PLA1A: variants seen among roughly 807,000 people sequenced by gnomAD.
The protein encoded by PLA1A is phosphatidylserine-specific phospholipase A1alpha.
A neutral mutation model predicts 49.4 loss-of-function variants in PLA1A; 47 were observed. The observed-to-expected ratio is 0.95, with a 90% CI of 0.75 to 1.21. The LOEUF (loss-of-function observed/expected upper bound fraction) is 1.21. Ranked by LOEUF, PLA1A falls within the 50% of genes most tolerant of loss-of-function variation. The pLI, the probability that PLA1A is intolerant of heterozygous loss-of-function variation, is 0.00. For missense variants in PLA1A, 561 were observed against 563.9 expected, an observed-to-expected ratio of 0.99 and a Z score of 0.05; for synonymous variants, 224 against 207.9, an observed-to-expected ratio of 1.08 and a Z score of -0.67.
chr3:119,599,839 T>C (rs2082593985), intron 1 of PLA1A, among the ~76,000 whole-genome samples: 1 of 152,212 alleles, frequency 6.6e-6, no homozygotes, highest in Admixed American at 6.5e-5. Flanking sequence ...TCTCTTCCTT[T>C]CCCACCTTAA....
intron 9 of PLA1A, among the ~76,000 whole-genome samples, chr3:119,628,010 G>A (rs1320572813): frequency 6.8e-6 from 1 of 147,324 alleles, no homozygotes; most frequent in African/African-American, 2.7e-5. Flanking sequence ...GGGAATCTGG[G>A]GGGGCAAAGC....
chr3:119,609,462 T>C lies in PLA1A; in HGVS notation c.454-6T>C. 6.3e-7 allele frequency: 1 copy of C among 1,583,182 alleles called. No homozygotes were observed. ...CACGGGGAACTCACTGTTCCTGCTC[T>C]TCTAGGTGCTGGGTGTGTCGGAATC... On this transcript the variant is annotated splice_polypyrimidine_tract_variant and splice_region_variant and intron_variant, in intron 3 of 10. Coordinates refer to ENST00000273371, the MANE Select transcript of PLA1A (RefSeq NM_015900.4).
At chr3:119,615,220 C>T (rs1303997832) in intron 5 of PLA1A, among the ~76,000 whole-genome samples, 2 of 152,182 alleles carry the variant, frequency 1.3e-5, no homozygotes, top group Non-Finnish European at 2.9e-5. Flanking sequence ...GGGCTCAAGT[C>T]TGCCACAGCA....
At chr3:119,629,125 C>T (rs912429952) in intron 10 of PLA1A, among the ~76,000 whole-genome samples, 90 of 152,150 alleles carry the variant, frequency 5.9e-4, no homozygotes, top group African/African-American at 2.1e-3. Flanking sequence ...ATATTTTCTC[C>T]TCTGTGGCCT....
intron 4 of PLA1A, among the ~76,000 whole-genome samples, chr3:119,612,278 G>C (rs1051379682): frequency 1.3e-5 from 2 of 152,104 alleles, no homozygotes; most frequent in Non-Finnish European, 2.9e-5. Flanking sequence ...TTTTTGTAGG[G>C]GGAAGGGAAG....
chr3:119,613,171 A>G, intron 5 of PLA1A, 53 bp downstream of exon 5: 1 of 1,238,382 alleles, frequency 8.1e-7, no homozygotes, highest in Non-Finnish European at 1.2e-6. Context: ...GGCAGCGCCT[A>G]GGAGGCTGGC....
intron 6 of PLA1A, 126 bp downstream of exon 6, chr3:119,616,227 C>T: frequency 2.9e-6 from 2 of 686,308 alleles, no homozygotes; most frequent in Non-Finnish European, 2.7e-6. Context: ...TGCTATGTCC[C>T]ATAACGCTTT....
intron 1 of PLA1A, among the ~76,000 whole-genome samples, chr3:119,605,794 T>G (rs2082678696): frequency 6.6e-6 from 1 of 152,208 alleles, no homozygotes. Flanking sequence ...TCATGTTGCC[T>G]TTTCTGTTCA....
intron 8 of PLA1A, among the ~76,000 whole-genome samples, chr3:119,621,712 A>G (rs1046208753): frequency 7.9e-5 from 12 of 152,272 alleles, no homozygotes; most frequent in African/African-American, 2.9e-4. Context: ...TGGCTTGCAG[A>G]TGAGGGAACT....
At chr3:119,610,073 G>T (rs1166043369) in intron 4 of PLA1A, among the ~76,000 whole-genome samples, 1 of 152,198 alleles carries the variant, frequency 6.6e-6, no homozygotes, top group African/African-American at 2.4e-5. Flanking sequence ...AAAACATGCG[G>T]TATTTGGTTT....
chr3:119,603,905 A>T (rs2082649886), intron 1 of PLA1A, among the ~76,000 whole-genome samples: 1 of 152,222 alleles, frequency 6.6e-6, no homozygotes. Context: ...CCTAGGACAC[A>T]GCTCTTCACT....
rs778796216 is a variant in PLA1A, at chr3:119,606,891, G to A, written c.191G>A (p.Gly64Glu). 1 of 1,613,542 alleles carries A rather than the reference G, an allele frequency of 6.2e-7. No homozygotes were observed. The highest frequency in any genetic ancestry group is 8.5e-7 in the Non-Finnish European group (1 of 1,179,496). ...LLFVPSNPSC[G>E]QLVEGSSDLQ... ...TTTGTCCCTTCGAATCCTAGCTGTG[G>A]GCAGCTAGTAGAAGGAAGCAGTGAC... Residue 64 changes from glycine (G) to glutamate (E), a missense_variant, in exon 2 of 11, where the codon GGG becomes GAG. Gly to Glu is a moderately conservative substitution (Grantham distance 98). Transcript: ENST00000273371.
Position 119,619,624 on chromosome 3 carries a change from C to A in PLA1A, c.984C>A (p.Leu328=), listed in dbSNP as rs148024430. The change falls in exon 8 of 11, where the codon CTC becomes CTA. Residue 328 remains leucine, a synonymous_variant. Transcript: ENST00000273371. ...TCCCCAAGGAAGTGAAAGTCTACCT[C>A]CTGACTACTTCCAGTGCTCCGTACT... ...EPLPKEVKVY[L]LTTSSAPYCM... 515 of 1,612,774 alleles carry A rather than the reference C, an allele frequency of 3.2e-4. 3 individuals are homozygous for A. In the East Asian group the frequency reaches 0.011, roughly 35 times the overall value.
chr3:119,618,062 C>T lies in PLA1A; in HGVS notation c.798C>T (p.Leu266=). 4 of 1,614,066 alleles carry T rather than the reference C, an allele frequency of 2.5e-6. No homozygotes were observed. The highest frequency in any genetic ancestry group is 3.4e-6 in the Non-Finnish European group (4 of 1,179,896). The change falls in exon 7 of 11, where the codon CTC becomes CTT. Residue 266 remains leucine (L), a synonymous_variant. Coordinates refer to ENST00000273371, the MANE Select transcript of PLA1A (RefSeq NM_015900.4). ...GTGATCACATGAGGGCTGTGCACCT[C>T]TACATCAGCGCCCTGGAGAATTCCT... The part of the protein sequence containing the change: ...LICDHMRAVH[L]YISALENSCP...
At position 119,613,046 on chromosome 3, in the gene PLA1A, AG is replaced by A; in HGVS notation, c.595del (p.Ala199ProfsTer58). ...GGACCCCGCTGGACCTGAGTACACC[AG>A]GGCCAGTGTGGAAGAGCGCTTGGAT... ...GLDPAGPEYT[R>X]ASVEERLDAG... On this transcript the variant is annotated frameshift_variant, in exon 5 of 11. Coordinates refer to ENST00000273371, the MANE Select transcript of PLA1A (RefSeq NM_015900.4). LOFTEE classifies it high-confidence loss of function. 1 of 1,606,320 alleles carries A rather than the reference AG, an allele frequency of 6.2e-7. No individual in the cohort carries two copies. Among genetic ancestry groups the A allele is most frequent in the Non-Finnish European group, 8.5e-7 (1 of 1,176,000 alleles).
At chr3:119,614,880 A>G (rs1269371659) in intron 5 of PLA1A, among the ~76,000 whole-genome samples, 6 of 152,212 alleles carry the variant, frequency 3.9e-5, no homozygotes, top group African/African-American at 1.4e-4. Flanking sequence ...TGTAGGAGTC[A>G]TGAAGGGAAG....
chr3:119,620,581 A>G (rs771058048), intron 8 of PLA1A, among the ~76,000 whole-genome samples: 13 of 152,238 alleles, frequency 8.5e-5, no homozygotes, highest in Non-Finnish European at 1.3e-4. Flanking sequence ...AATGGGAACC[A>G]TAACAGTACC....
rs887004506 is a variant in PLA1A at position 119,600,475 on chromosome 3, T to C, written c.73+2489T>C. 8 of 695,272 alleles carry C rather than the reference T, an allele frequency of 1.2e-5. No homozygotes were observed. In the African/African-American group the frequency reaches 1.4e-4, roughly 12 times the overall value. The allele number at this position is 695,272 out of a possible 1,614,324, so 43.1% of individuals were successfully genotyped here. On this transcript the variant is annotated intron_variant, in intron 1 of 10. Coordinates refer to ENST00000273371, the MANE Select transcript of PLA1A (RefSeq NM_015900.4). Reference sequence around the variant, plus strand: ...TCACAGATCTTACATCCCTATTTGCTGTGGGGCCTGCTTATTTTCCCTTTC... The same window carrying C: ...TCACAGATCTTACATCCCTATTTGCCGTGGGGCCTGCTTATTTTCCCTTTC...
intron 5 of PLA1A, 23 bp downstream of exon 5, chr3:119,613,141 G>C (rs1331770405): frequency 2.6e-6 from 4 of 1,519,986 alleles, no homozygotes; most frequent in East Asian, 4.6e-5. Context: ...GACCTTCCTG[G>C]GATGAGGGAA....
Sources: gnomAD v4.1 joint callset for allele counts (sites outside exome capture counted in the v4.1 genomes callset) on GRCh38, gnomAD v4.1.1 for gene constraint, MANE v1.5 for transcripts, NCBI Gene and HGNC (gene_info 2026-07-23, HGNC 2026-07-21) for gene names.